The following DIAPH3 variants were observed in gnomAD, a reference collection of about 807,000 sequenced individuals.
DIAPH3 encodes diaphanous related formin 3.
A neutral mutation model predicts 144.3 loss-of-function variants in DIAPH3; 117 were observed. The observed-to-expected ratio is 0.81, with a 90% CI of 0.70 to 0.95. The LOEUF is 0.95. Among genes scored for constraint, DIAPH3 ranks in the 40% least tolerant of loss-of-function variants. DIAPH3 has a pLI of 0.00. For missense variants in DIAPH3, 1,421 were observed against 1,412.7 expected (o/e 1.01, Z -0.09); for synonymous variants, 519 against 488.9 (o/e 1.06, Z -0.81).
chr13:59,702,789 T>A (rs1223290557), intron 27 of DIAPH3, among the ~76,000 whole-genome samples: 3 of 152,150 alleles, frequency 2.0e-5, no homozygotes, highest in African/African-American at 7.2e-5. Flanking sequence ...TCTGACCTAA[T>A]CTCCTAGTTA....
At chr13:59,878,216 C>T (rs1371496011) in intron 21 of DIAPH3, among the ~76,000 whole-genome samples, 1 of 152,052 alleles carries the variant, frequency 6.6e-6, no homozygotes, top group African/African-American at 2.4e-5. Context: ...GGAATTGCAT[C>T]GCCCATGCTA....
At chr13:59,913,289 C>A (rs1272406220) in intron 19 of DIAPH3, among the ~76,000 whole-genome samples, 1 of 152,028 alleles carries the variant, frequency 6.6e-6, no homozygotes, top group Non-Finnish European at 1.5e-5. Context: ...GTGCGTGGTT[C>A]CAACCTCCCT....
At chr13:59,744,944 T>C (rs960843258) in intron 27 of DIAPH3, among the ~76,000 whole-genome samples, 2 of 152,104 alleles carry the variant, frequency 1.3e-5, no homozygotes, top group African/African-American at 4.8e-5. Flanking sequence ...AGGGAGAGAA[T>C]GCTCTCACCC....
Position 59,970,971 on chromosome 13 carries a change from G to T in DIAPH3, c.1840C>A (p.Pro614Thr), listed in dbSNP as rs200018583. Residue 614 changes from proline (P) to threonine (T), a missense_variant, in exon 16 of 28, where the codon CCT becomes ACT. Pro to Thr is a conservative substitution (Grantham distance 38, BLOSUM62 -1). Coordinates refer to ENST00000400324, the MANE Select transcript of DIAPH3 (RefSeq NM_001042517.2). ...MPFSGPVPPP[P>T]PLGFLGGQNS... is the part of the protein sequence containing the mutation. ...TGTCCTCCAAGGAATCCCAGGGGAG[G>T]TGGTGGAGGCACAGGACCACTGAAT... 5.9e-3 allele frequency: 9,577 copies of T among 1,613,976 alleles called. 47 individuals carry two copies. The highest frequency in any genetic ancestry group is 7.1e-3 in the Non-Finnish European group (8,396 of 1,179,982).
intron 27 of DIAPH3, among the ~76,000 whole-genome samples, chr13:59,729,808 A>ATTTTTTTTTTTTTTTTTTTTT (rs202135165): frequency 8.7e-6 from 1 of 115,186 alleles, no homozygotes. Context: ...GAATACATTA[A>ATTTTTTTTTTTTTTTTTTTTT]TATTTTTTTT....
intron 17 of DIAPH3, among the ~76,000 whole-genome samples, chr13:59,949,564 A>T (rs1594097197): frequency 1.3e-5 from 2 of 152,198 alleles, no homozygotes; most frequent in East Asian, 3.8e-4. Context: ...TACCTGTTTT[A>T]ATAAATGAAG....
At chr13:60,059,069 T>C (rs1225974598) in intron 4 of DIAPH3, among the ~76,000 whole-genome samples, 1 of 151,754 alleles carries the variant, frequency 6.6e-6, no homozygotes, top group Non-Finnish European at 1.5e-5. Flanking sequence ...TTAATATGTA[T>C]AAAAAGTATG....
chr13:59,851,110 T>C (rs1430972721), intron 22 of DIAPH3, among the ~76,000 whole-genome samples: 2 of 151,832 alleles, frequency 1.3e-5, no homozygotes, highest in Non-Finnish European at 2.9e-5. Flanking sequence ...TGATGAACAT[T>C]GATGCAAAAC....
intron 7 of DIAPH3, among the ~76,000 whole-genome samples, chr13:60,012,220 G>A (rs555988081): frequency 1.3e-5 from 2 of 152,206 alleles, no homozygotes; most frequent in East Asian, 3.9e-4. Flanking sequence ...AAGAAACCTT[G>A]TACTGGGCTG....
intron 22 of DIAPH3, among the ~76,000 whole-genome samples, chr13:59,848,354 T>C (rs2042780084): frequency 6.8e-6 from 1 of 147,308 alleles, no homozygotes; most frequent in Non-Finnish European, 1.5e-5. Flanking sequence ...TTAGGGTACA[T>C]GTGCACATTG....
At chr13:60,145,513 G>T (rs1951467978) in intron 1 of DIAPH3, among the ~76,000 whole-genome samples, 1 of 152,180 alleles carries the variant, frequency 6.6e-6, no homozygotes, top group African/African-American at 2.4e-5. Context: ...AGCTGGGCGT[G>T]GTGGCGGGCA....
chr13:59,757,353 C>A (rs7337359), intron 27 of DIAPH3, among the ~76,000 whole-genome samples: 49,996 of 147,340 alleles, frequency 0.34, 9,035 homozygotes, highest in African/African-American at 0.44. Flanking sequence ...AACATAAAAG[C>A]CAAACCCTAC....
intron 4 of DIAPH3, among the ~76,000 whole-genome samples, chr13:60,066,634 T>G (rs909538934): frequency 2.0e-5 from 3 of 152,210 alleles, no homozygotes; most frequent in African/African-American, 7.2e-5. Flanking sequence ...AAATCACTTT[T>G]ATTCATCAAT....
intron 17 of DIAPH3, among the ~76,000 whole-genome samples, chr13:59,943,052 C>T (rs911115162): frequency 1.2e-4 from 19 of 152,084 alleles, no homozygotes; most frequent in Non-Finnish European, 1.9e-4. Context: ...CTACTTTTAA[C>T]TGTGCCGATG....
At chr13:59,914,037 A>G (rs2140248336) in intron 19 of DIAPH3, among the ~76,000 whole-genome samples, 1 of 152,300 alleles carries the variant, frequency 6.6e-6, no homozygotes, top group Admixed American at 6.5e-5. Context: ...AATAAAGTAT[A>G]TGAAAAATGA....
At chr13:59,683,097 A>G (rs1014442823) in intron 27 of DIAPH3, among the ~76,000 whole-genome samples, 1 of 152,170 alleles carries the variant, frequency 6.6e-6, no homozygotes, top group Admixed American at 6.6e-5. Flanking sequence ...ATGCTGCTTT[A>G]TGTTTCAGGG....
intron 5 of DIAPH3, among the ~76,000 whole-genome samples, chr13:60,016,847 C>A (rs1049452947): frequency 6.6e-6 from 1 of 152,188 alleles, no homozygotes; most frequent in African/African-American, 2.4e-5. Context: ...GACCCAATCA[C>A]AGGCCTTTAC....
intron 1 of DIAPH3, among the ~76,000 whole-genome samples, chr13:60,138,296 G>A (rs749938625): frequency 5.3e-5 from 8 of 152,256 alleles, no homozygotes; most frequent in Non-Finnish European, 8.8e-5. Context: ...GTAATGATGT[G>A]GCAGCATGCC....
intron 9 of DIAPH3, among the ~76,000 whole-genome samples, chr13:60,001,895 T>G (rs565140728): frequency 6.6e-6 from 1 of 152,210 alleles, no homozygotes; most frequent in Admixed American, 6.5e-5. Flanking sequence ...ATCCCTACAA[T>G]GGGAAGTGGT....
Sources: gnomAD v4.1 joint callset for allele counts (sites outside exome capture counted in the v4.1 genomes callset) on GRCh38, gnomAD v4.1.1 for gene constraint, MANE v1.5 for transcripts, NCBI Gene and HGNC (gene_info 2026-07-23, HGNC 2026-07-21) for gene names.